The following TTN variants were observed in gnomAD, a reference collection of about 807,000 sequenced individuals.
TTN encodes the protein titin.
Under a neutral mutation model 3,223.0 loss-of-function variants are expected in TTN, and 1,525 were observed. That is an observed-to-expected ratio of 0.47 (90% CI 0.45 to 0.49). TTN has a LOEUF of 0.49. Among genes scored for constraint, TTN ranks in the 20% least tolerant of loss-of-function variants. The pLI, the probability that TTN is intolerant of heterozygous loss-of-function variation, is 0.00. For missense variants in TTN, 40,786 were observed against 43,424.0 expected, an observed-to-expected ratio of 0.94 and a Z score of 5.40; for synonymous variants, 14,094 against 15,161.0, an observed-to-expected ratio of 0.93 and a Z score of 5.17.
Position 178,611,954 on chromosome 2 carries a change from T to C in TTN, c.50355A>G (p.Arg16785=), listed in dbSNP as rs192143556. 4.3e-6 allele frequency: 7 copies of C among 1,610,614 alleles called. No homozygotes were observed. The Admixed American group carries it at 5.0e-5, about 12-fold the overall frequency. The change falls in exon 268 of 363, where the codon AGA becomes AGG. Residue 16785 remains arginine (R), a splice_region_variant and synonymous_variant. Transcript: ENST00000589042. Reference sequence around the variant, plus strand: ...ACCTTTCTTTCTTCTCAATGACATATCTATTGAAACAACAAAGCATTTCAT... The same window carrying C: ...ACCTTTCTTTCTTCTCAATGACATACCTATTGAAACAACAAAGCATTTCAT... ...PKNDGGRPIQ[R]YVIEKKERLG...
Position 178,696,155 on chromosome 2 carries a change from A to G in TTN, c.30917T>C (p.Val10306Ala). The change falls in exon 114 of 363, where the codon GTC becomes GCC. Residue 10306 changes from valine to alanine, a missense_variant. Coordinates refer to ENST00000589042, the MANE Select transcript of TTN (RefSeq NM_001267550.2). ...KEAVYEKKQA[V>A]HKEKRVFIES... ...AATGAAGACTCTCTTCTCCTTGTGGACTGCTTGCTTTTTCTCATACACAGC... is the reference window on the plus strand; with the variant it reads ...AATGAAGACTCTCTTCTCCTTGTGGGCTGCTTGCTTTTTCTCATACACAGC... The G allele has an allele frequency of 3.2e-6, 5 of 1,554,742 alleles. No individual in the cohort carries two copies. Among genetic ancestry groups the G allele is most frequent in the Non-Finnish European group, 4.4e-6 (5 of 1,147,982 alleles).
chr2:178,571,338 G>C lies in TTN; in HGVS notation c.74794C>G (p.Pro24932Ala), dbSNP rs878982463. ...ACTCTACTTCCTCCATCACTGATTG[G>C]CTCATTCCATTGTACTTCCATGCTG... ...RDSMEVQWNE[P>A]ISDGGSRVIG... Residue 24932 changes from proline to alanine, a missense_variant, in exon 326 of 363, where the codon CCA becomes GCA. Pro to Ala is a conservative substitution (Grantham distance 27). Coordinates refer to ENST00000589042, the MANE Select transcript of TTN (RefSeq NM_001267550.2). 26 of 1,613,314 alleles carry C rather than the reference G, an allele frequency of 1.6e-5. No homozygotes were observed. Among genetic ancestry groups the C allele is most frequent in the Non-Finnish European group, 2.2e-5 (26 of 1,179,564 alleles).
chr2:178,580,350 C>A lies in TTN; in HGVS notation c.67029G>T (p.Lys22343Asn). ...GCACTTTCACAACAATGGTATATTC[C>A]TTTTTACCACAGCTGTTCTCCAGGG... ...ILTLENSCGK[K>N]EYTIVVKVLD... The change falls in exon 317 of 363, where the codon AAG becomes AAT. Residue 22343 changes from lysine (K) to asparagine (N), a missense_variant. Transcript: ENST00000589042. The A allele has an allele frequency of 6.2e-7, 1 of 1,613,022 alleles. No homozygotes were observed. Among genetic ancestry groups the A allele is most frequent in the East Asian group, 2.2e-5 (1 of 44,782 alleles).
Position 178,554,155 on chromosome 2 carries a change from A to T in TTN, c.88956T>A (p.Val29652=). ...CATCTGCAATTGGCCTGCTCCATAC[A>T]ACAGTCATCGAATTCTTGGTAATCT... ...VTKITKNSMT[V]VWSRPIADGG... Residue 29652 remains valine, a synonymous_variant, in exon 333 of 363, where the codon GTT becomes GTA. Transcript: ENST00000589042. 1 of 1,611,676 alleles carries T rather than the reference A, an allele frequency of 6.2e-7. No individual in the cohort carries two copies. Among genetic ancestry groups the T allele is most frequent in the Non-Finnish European group, 8.5e-7 (1 of 1,179,262 alleles).
At position 178,592,804 on chromosome 2, in the gene TTN, G is replaced by A. The variant is rs72646840; in HGVS notation, c.59315C>T (p.Pro19772Leu). 1,109 of 1,613,466 alleles carry A rather than the reference G, an allele frequency of 6.9e-4. 5 individuals carry two copies. The African/African-American group carries it at 0.011, about 16-fold the overall frequency. Residue 19772 changes from proline (P) to leucine (L), a missense_variant, in exon 300 of 363, where the codon CCG becomes CTG. Physicochemically the swap from Pro to Leu is moderately conservative, Grantham distance 98. Coordinates refer to ENST00000589042, the MANE Select transcript of TTN (RefSeq NM_001267550.2). The stretch of plus-strand genomic sequence containing the variant: ...CCTGTCTTTTACTAGGACTGGCTCC[G>A]GAACATGAGCTGGATCTGATTCACC... Reference protein sequence around the residue: ...AAGESDPAHVPEPVLVKDRLE... With the variant: ...AAGESDPAHVLEPVLVKDRLE...
rs1444149775 is a variant in TTN at position 178,748,047 on chromosome 2, A to T, written c.11311+5077T>A. 11 of 1,613,010 alleles carry T rather than the reference A, an allele frequency of 6.8e-6. No individual in the cohort carries two copies. In the East Asian group the frequency reaches 2.5e-4, roughly 36 times the overall value. ...GCTGCCAACTCTGGTTCTAGAGTGC[A>T]TTCTTCTTCCATTTCACCAACCCCT... On this transcript the variant is annotated intron_variant, in intron 47 of 362. Transcript: ENST00000589042.
At position 178,746,429 on chromosome 2, in the gene TTN, A is replaced by T. The variant is rs535707124; in HGVS notation, c.11312-4508T>A. 182 of 1,610,478 alleles carry T rather than the reference A, an allele frequency of 1.1e-4. 3 individuals are homozygous for T. In the South Asian group the frequency reaches 1.9e-3, roughly 17 times the overall value. Reference sequence around the variant, plus strand: ...TGTCACTATTTTCACCTGCTTCTCAAATTCTTTAACGTCTTTTTCACTTAA... The same window carrying T: ...TGTCACTATTTTCACCTGCTTCTCATATTCTTTAACGTCTTTTTCACTTAA... On this transcript the variant is annotated intron_variant, in intron 47 of 362. Coordinates refer to ENST00000589042, the MANE Select transcript of TTN (RefSeq NM_001267550.2).
chr2:178,615,271 G>A, intron 259 of TTN, 36 bp downstream of exon 259: 1 of 1,608,358 alleles, frequency 6.2e-7, no homozygotes, highest in African/African-American at 1.3e-5. Flanking sequence ...GTGACTAGGA[G>A]TACACATTTA....
chr2:178,638,949 A>G (rs1326889705), intron 223 of TTN, among the ~76,000 whole-genome samples: 1 of 152,054 alleles, frequency 6.6e-6, no homozygotes, highest in East Asian at 1.9e-4. Context: ...TCAATTACAC[A>G]TCAAATCAGT....
At chr2:178,546,154 T>C in intron 342 of TTN, 38 bp from the exon 343 acceptor site, 1 of 1,587,832 alleles carries the variant, frequency 6.3e-7, no homozygotes, top group African/African-American at 1.3e-5. Context: ...ATGAAGATCA[T>C]TCTTTCTGCC....
Position 178,531,927 on chromosome 2 carries a change from G to C in TTN, c.104688C>G (p.Leu34896=), listed in dbSNP as rs773315655. ...ATCTTGCAGACCTCTCAAATCTCGA[G>C]AGTGATCTCTCACTAGACACAGGGC... ...SPSPVSSERS[L]SRFERSARFD... is the part of the protein sequence containing the mutation. Residue 34896 remains leucine, a synonymous_variant, in exon 358 of 363, where the codon CTC becomes CTG. Transcript: ENST00000589042. The C allele has an allele frequency of 6.2e-7, 1 of 1,613,184 alleles. No individual in the cohort carries two copies. The highest frequency in any genetic ancestry group is 1.1e-5 in the South Asian group (1 of 90,954).
In TTN at chr2:178,557,926, C is replaced by A. The variant is rs368010212; in HGVS notation, c.87428G>T (p.Gly29143Val). ...AGTTATATCACTAATAACAACAGGGCCAGTTGGAGGACCAGGCCTGTCTAG... is the reference window on the plus strand; with the variant it reads ...AGTTATATCACTAATAACAACAGGGACAGTTGGAGGACCAGGCCTGTCTAG... ...VVLDRPGPPT[G>V]PVVISDITEE... Residue 29143 changes from glycine (G) to valine (V), a missense_variant, in exon 328 of 363, where the codon GGC becomes GTC. Physicochemically the swap from Gly to Val is moderately radical, Grantham distance 109. Coordinates refer to ENST00000589042, the MANE Select transcript of TTN (RefSeq NM_001267550.2). 19 of 1,613,214 alleles carry A rather than the reference C, an allele frequency of 1.2e-5. No individual in the cohort carries two copies. The highest frequency in any genetic ancestry group is 3.3e-4 in the Middle Eastern group (2 of 6,058).
intron 47 of TTN, chr2:178,746,330 G>A: frequency 8.1e-6 from 13 of 1,612,196 alleles, no homozygotes; most frequent in Non-Finnish European, 1.1e-5. Context: ...ATCCATATTT[G>A]GATCTACAAA....
Position 178,793,491 on chromosome 2 carries a change from G to A in TTN, c.1449C>T (p.Ala483=), listed in dbSNP as rs141617218. 1.3e-4 allele frequency: 214 copies of A among 1,613,918 alleles called. No homozygotes were observed. Among genetic ancestry groups the A allele is most frequent in the Non-Finnish European group, 1.7e-4 (199 of 1,179,992 alleles). Residue 483 remains alanine, a synonymous_variant, in exon 9 of 363, where the codon GCC becomes GCT. Coordinates refer to ENST00000589042, the MANE Select transcript of TTN (RefSeq NM_001267550.2). The part of the protein sequence containing the change: ...KTAVTKVVVA[A]DKAKEQELKS... ...TTAATTCTTGTTCCTTGGCTTTATCGGCGGCCACTACTACCTTAGTTACAG... is the reference window on the plus strand; with the variant it reads ...TTAATTCTTGTTCCTTGGCTTTATCAGCGGCCACTACTACCTTAGTTACAG...
Position 178,721,874 on chromosome 2 carries a change from T to G in TTN, c.22789A>C (p.Met7597Leu). Residue 7597 changes from methionine (M) to leucine (L), a missense_variant, in exon 78 of 363, where the codon ATG (methionine) becomes CTG (leucine). Coordinates refer to ENST00000589042, the MANE Select transcript of TTN (RefSeq NM_001267550.2). The stretch of plus-strand genomic sequence containing the variant: ...TTTACACTGAGCTGAGCTGAGCACA[T>G]GTCTTTGCCAACATCATTGGTTGCT... ...CQATNDVGKD[M>L]CSAQLSVKEP... 6.2e-7 allele frequency: 1 copy of G among 1,612,446 alleles called. No individual in the cohort carries two copies. The highest frequency in any genetic ancestry group is 1.3e-5 in the African/African-American group (1 of 75,016).
intron 100 of TTN, 64 bp from the exon 101 acceptor site, chr2:178,707,018 T>C: frequency 7.0e-7 from 1 of 1,425,830 alleles, no homozygotes; most frequent in Non-Finnish European, 9.5e-7. Flanking sequence ...ATATCCCCCT[T>C]TGTAAAATAA....
Position 178,712,060 on chromosome 2 carries a change from T to C in TTN, c.27770A>G (p.Asn9257Ser), listed in dbSNP as rs1448296665. 2.5e-6 allele frequency: 4 copies of C among 1,613,842 alleles called. No homozygotes were observed. Among genetic ancestry groups the C allele is most frequent in the Non-Finnish European group, 3.4e-6 (4 of 1,179,786 alleles). The change falls in exon 96 of 363, where the codon AAT becomes AGT. Residue 9257 changes from asparagine to serine, a missense_variant. Asn to Ser is a conservative substitution (Grantham distance 46, BLOSUM62 1). Coordinates refer to ENST00000589042, the MANE Select transcript of TTN (RefSeq NM_001267550.2). ...GTTGAAAACCAGTGTAGCAACATTA[T>C]TCCTAAAATGCATTTTGTAAGTCGT... ...PTTTYKMHFRNNVATLVFNQV... is the reference protein window; with the variant it reads ...PTTTYKMHFRSNVATLVFNQV...
chr2:178,634,285 T>C lies in TTN; in HGVS notation c.42415+81A>G. On this transcript the variant is annotated intron_variant, in intron 230 of 362. Transcript: ENST00000589042. This position sits in a 1 kb window ranked among gnomAD's most constrained non-coding sequence, Gnocchi z 4.6. ...TAATTAGTGATGCATTATCACAGCTTTTAGAACTTGGCGTCCTATCTTTAA... is the reference window on the plus strand; with the variant it reads ...TAATTAGTGATGCATTATCACAGCTCTTAGAACTTGGCGTCCTATCTTTAA... 6.5e-7 allele frequency: 1 copy of C among 1,535,812 alleles called. No homozygotes were observed. Among genetic ancestry groups the C allele is most frequent in the Non-Finnish European group, 8.7e-7 (1 of 1,151,076 alleles).
intron 209 of TTN, among the ~76,000 whole-genome samples, 153 bp from the exon 210 acceptor site, chr2:178,650,424 C>T (rs2062745144): frequency 6.6e-6 from 1 of 152,124 alleles, no homozygotes. Flanking sequence ...ATCTCATTTG[C>T]ACTGACTTCT....
Sources: allele counts gnomAD v4.1 joint callset (sites outside exome capture counted in the v4.1 genomes callset), GRCh38; gene constraint gnomAD v4.1.1; non-coding constraint Gnocchi (gnomAD v3.1); transcripts MANE v1.5; gene names NCBI Gene and HGNC (gene_info 2026-07-23, HGNC 2026-07-21).